Variants in CDKAL1 observed in about 807,000 individuals in gnomAD.
The protein encoded by CDKAL1 is threonylcarbamoyladenosine tRNA methylthiotransferase.
A neutral mutation model predicts 68.2 loss-of-function variants in CDKAL1; 32 were observed. The observed-to-expected ratio is 0.47, with a 90% confidence interval of 0.35 to 0.63. The LOEUF is 0.63. Ranked by LOEUF, CDKAL1 falls within the 30% of genes least tolerant of loss-of-function variation. The probability of loss-of-function intolerance (pLI) is 0.00; values close to 1 mark genes in which losing one functional copy is unlikely to be tolerated. For synonymous variants in CDKAL1, 234 were observed against 244.3 expected, an observed-to-expected ratio of 0.96 and a Z score of 0.39; for missense variants, 606 against 696.7, an observed-to-expected ratio of 0.87 and a Z score of 1.47.
intron 4 of CDKAL1, chr6:20,559,089 C>T (rs576703700): frequency 2.0e-5 from 3 of 152,242 alleles, no homozygotes; most frequent in African/African-American, 7.2e-5. Flanking sequence ...CCAGTAATTT[C>T]CTTTTTTTTT....
At chr6:21,178,181 C>T (rs193168244) in intron 13 of CDKAL1, among the ~76,000 whole-genome samples, 15 of 151,986 alleles carry the variant, frequency 9.9e-5, no homozygotes, top group Admixed American at 2.0e-4. Flanking sequence ...CATATAGTAT[C>T]CAAGGAAAAA....
chr6:21,102,898 G>C (rs745949319), intron 12 of CDKAL1, among the ~76,000 whole-genome samples: 3 of 152,128 alleles, frequency 2.0e-5, no homozygotes, highest in Non-Finnish European at 4.4e-5. Context: ...TAACTACTTA[G>C]GCTCTCTACC....
intron 4 of CDKAL1, among the ~76,000 whole-genome samples, chr6:20,550,919 T>C (rs1207054955): frequency 7.4e-6 from 1 of 135,922 alleles, no homozygotes; most frequent in East Asian, 2.2e-4. Flanking sequence ...CAGGCTGGAG[T>C]GCAGTGGCGC....
At chr6:21,055,562 C>G (rs555878819) in intron 11 of CDKAL1, among the ~76,000 whole-genome samples, 1 of 152,218 alleles carries the variant, frequency 6.6e-6, no homozygotes, top group South Asian at 2.1e-4. Flanking sequence ...GTGTGTTCCC[C>G]TCCCTGTGTC....
At chr6:20,693,828 G>C (rs1422511603) in intron 5 of CDKAL1, among the ~76,000 whole-genome samples, 2 of 151,786 alleles carry the variant, frequency 1.3e-5, no homozygotes, top group African/African-American at 2.4e-5. Flanking sequence ...ACAAGTAACT[G>C]ATAGGAGTCA....
intron 9 of CDKAL1, among the ~76,000 whole-genome samples, chr6:20,917,419 CT>C (rs1188970584): frequency 6.6e-6 from 1 of 152,014 alleles, no homozygotes; most frequent in Non-Finnish European, 1.5e-5. Flanking sequence ...TAGTGATAGC[CT>C]TTTTGTATTC....
intron 15 of CDKAL1, among the ~76,000 whole-genome samples, chr6:21,202,364 G>C (rs1778725123): frequency 6.6e-6 from 1 of 151,608 alleles, no homozygotes; most frequent in South Asian, 2.1e-4. Flanking sequence ...TCTAAAACTT[G>C]ATAAACATAA....
chr6:21,096,417 A>C (rs977685774), intron 12 of CDKAL1, among the ~76,000 whole-genome samples: 1 of 152,216 alleles, frequency 6.6e-6, no homozygotes, highest in Non-Finnish European at 1.5e-5. Context: ...TACTGGGCTC[A>C]AGCTCAGCCT....
At chr6:20,562,421 A>G (rs1232045115) in intron 4 of CDKAL1, among the ~76,000 whole-genome samples, 4 of 152,098 alleles carry the variant, frequency 2.6e-5, no homozygotes, top group Admixed American at 1.3e-4. Flanking sequence ...AAGATGAAAA[A>G]AGGAGAGCCT....
chr6:20,632,778 T>C (rs542062086), intron 4 of CDKAL1, among the ~76,000 whole-genome samples: 2 of 152,380 alleles, frequency 1.3e-5, no homozygotes, highest in Admixed American at 6.5e-5. Flanking sequence ...ACTTAAAGAT[T>C]GCTTAGTTCA....
intron 11 of CDKAL1, among the ~76,000 whole-genome samples, chr6:21,024,095 G>A (rs144377077): frequency 1.9e-4 from 29 of 152,252 alleles, no homozygotes; most frequent in African/African-American, 7.0e-4. Context: ...AGAAAATAAT[G>A]AGAAATACCT....
chr6:21,196,085 G>GA (rs1378215377), intron 13 of CDKAL1, among the ~76,000 whole-genome samples: 1 of 152,154 alleles, frequency 6.6e-6, no homozygotes, highest in Non-Finnish European at 1.5e-5. Context: ...ATCTCCAGAT[G>GA]AAATAGAGCA....
chr6:21,193,531 C>G (rs1327958254), intron 13 of CDKAL1, among the ~76,000 whole-genome samples: 1 of 152,244 alleles, frequency 6.6e-6, no homozygotes, highest in Non-Finnish European at 1.5e-5. Flanking sequence ...CTACCAACCT[C>G]TCATTTTTAG....
intron 9 of CDKAL1, among the ~76,000 whole-genome samples, chr6:20,951,018 C>T (rs1260283459): frequency 6.6e-6 from 1 of 151,460 alleles, no homozygotes; most frequent in South Asian, 2.1e-4. Flanking sequence ...GGAGAGCACA[C>T]ACCGGGTAGT....
At chr6:20,853,396 A>AC (rs1252604859) in intron 9 of CDKAL1, among the ~76,000 whole-genome samples, 2 of 32,284 alleles carry the variant, frequency 6.2e-5, no homozygotes, top group East Asian at 2.3e-3. Context: ...CAAAACAAAA[A>AC]AAAAACAAAA....
At chr6:20,797,760 CTTTATTTTATTTTAT>C (rs140101518) in intron 8 of CDKAL1, among the ~76,000 whole-genome samples, 10,612 of 119,394 alleles carry the variant, frequency 0.089, 508 homozygotes, top group African/African-American at 0.12. Context: ...TGATTGATTG[CTTTATTTTATTTTAT>C]TTTATTTTAT....
At chr6:20,913,021 G>C (rs1302279236) in intron 9 of CDKAL1, among the ~76,000 whole-genome samples, 1 of 150,924 alleles carries the variant, frequency 6.6e-6, no homozygotes, top group Admixed American at 6.6e-5. Flanking sequence ...ACAAAAAAAA[G>C]TGTTGAGAGC....
At chr6:20,843,334 C>G (rs1350897017) in intron 8 of CDKAL1, among the ~76,000 whole-genome samples, 2 of 151,880 alleles carry the variant, frequency 1.3e-5, no homozygotes, top group African/African-American at 4.8e-5. Context: ...TGCCCTTTCC[C>G]CCTGCTAGTG....
rs1390986781 is a variant in CDKAL1 at position 21,140,223 on chromosome 6, A to G, written c.1299+31760A>G. ...ACTAGACTGTACATTTCTCAAGGGT[A>G]AGGACTATGTCTTATGTCTTTGAAC... On this transcript the variant is annotated intron_variant, in intron 13 of 15. Transcript: ENST00000274695. 2.6e-5 allele frequency among the ~76,000 whole-genome samples: 4 copies of G among 152,354 alleles called. No individual in the cohort carries two copies. In the East Asian group the frequency reaches 5.8e-4, roughly 22 times the overall value.
Sources: allele counts gnomAD v4.1 joint callset (sites outside exome capture counted in the v4.1 genomes callset), GRCh38; gene constraint gnomAD v4.1.1; transcripts MANE v1.5; gene names NCBI Gene and HGNC (gene_info 2026-07-23, HGNC 2026-07-21).